NT5DC4: variants seen among roughly 807,000 people sequenced by gnomAD.
The protein encoded by NT5DC4 is 5'-nucleotidase domain-containing protein 4.
A neutral mutation model predicts 26.6 loss-of-function variants in NT5DC4; 44 were observed. The ratio of observed to expected loss-of-function variants is 1.65; its 90% CI spans 1.30 to 2.13. The LOEUF is 2.13. NT5DC4 is among the 30% of genes most tolerant of loss of function. The pLI, the probability that NT5DC4 is intolerant of heterozygous loss-of-function variation, is 0.00. For synonymous variants in NT5DC4, 157 were observed against 86.7 expected (o/e 1.81, Z -4.51); for missense variants, 399 against 228.1 (o/e 1.75, Z -4.83).
At chr2:112,727,137 T>A (rs1275098128) in intron 15 of NT5DC4, 1 of 212,704 alleles carries the variant, frequency 4.7e-6, no homozygotes, top group Non-Finnish European at 9.9e-6. Context: ...CCTTGTGGCA[T>A]TACTGACCGG....
chr2:112,742,638 T>C, downstream of NT5DC4: 2 of 1,057,062 alleles, frequency 1.9e-6, no homozygotes, highest in Non-Finnish European at 2.9e-6. Context: ...TTCTTTTTCC[T>C]ATATGTCCTG....
intron 16 of NT5DC4, among the ~76,000 whole-genome samples, chr2:112,735,810 T>A (rs1210417213): frequency 1.3e-5 from 2 of 152,218 alleles, no homozygotes; most frequent in African/African-American, 4.8e-5. Flanking sequence ...GACTCTATAG[T>A]CTGACGAGGC....
downstream of NT5DC4, chr2:112,740,953 A>G: frequency 6.2e-7 from 1 of 1,614,020 alleles, no homozygotes; most frequent in Non-Finnish European, 8.5e-7. Context: ...CTTCTTGGCC[A>G]GCTCTTCCAC....
At chr2:112,740,936 A>G, downstream of NT5DC4, 4 of 1,614,030 alleles carry the variant, frequency 2.5e-6, no homozygotes, top group Non-Finnish European at 3.4e-6. Flanking sequence ...GACTTCACAG[A>G]TTCCATCTTC....
At chr2:112,729,146 C>G (rs1678146427) in intron 15 of NT5DC4, among the ~76,000 whole-genome samples, 1 of 151,770 alleles carries the variant, frequency 6.6e-6, no homozygotes, top group African/African-American at 2.4e-5. Context: ...TTTTTTTGGC[C>G]AAGTCTAGCT....
chr2:112,724,189 C>T (rs1677366532), intron 10 of NT5DC4, 63 bp downstream of exon 10: 1 of 715,792 alleles, frequency 1.4e-6, no homozygotes, highest in Non-Finnish European at 2.6e-6. Context: ...GGGTGCCAGG[C>T]TGCACCACGA....
chr2:112,727,063 A>T, intron 15 of NT5DC4: 1 of 370,220 alleles, frequency 2.7e-6, no homozygotes, highest in Non-Finnish European at 5.2e-6. Flanking sequence ...CAGTTCTGAT[A>T]GGAAATGTGA....
At chr2:112,726,847 C>G in intron 15 of NT5DC4, 109 bp downstream of exon 15, 1 of 700,768 alleles carries the variant, frequency 1.4e-6, no homozygotes, top group Non-Finnish European at 2.7e-6. Context: ...GGCCCAGTTA[C>G]CCCATTCTCC....
At chr2:112,723,391 A>ACACACACACACACACACG (rs2104719417) in intron 7 of NT5DC4, 27 bp from the exon 8 acceptor site, 2 of 716,358 alleles carry the variant, frequency 2.8e-6, no homozygotes, top group East Asian at 5.4e-5. Flanking sequence ...ACACACACAC[A>ACACACACACACACACACG]CACAGGCACT....
In NT5DC4 at chr2:112,723,111, C is replaced by A. The variant is rs745507946; in HGVS notation, c.558C>A (p.Leu186=). The A allele has an allele frequency of 2.1e-5, 15 of 717,048 alleles. No individual in the cohort carries two copies. The highest frequency in any genetic ancestry group is 2.3e-4 in the Middle Eastern group (1 of 4,394). The allele number at this position is 717,048 out of a possible 1,614,324, so 44.4% of individuals were successfully genotyped here. A position where few individuals can be genotyped will look rare whatever the true frequency, so the allele number is the denominator to read the frequency against. The change falls in exon 7 of 17, where the codon CTC becomes CTA. Residue 186 remains leucine (L), a synonymous_variant. Transcript: ENST00000688554. ...NCDTGYQHGN[L]FMSFRSLFQD... ...ACACCGGCTATCAGCATGGGAACCT[C>A]TTCATGTCCTTCCGAAGCCTCTTCC...
chr2:112,741,047 AT>A, downstream of NT5DC4: 1 of 1,340,628 alleles, frequency 7.5e-7, no homozygotes, highest in South Asian at 1.2e-5. Context: ...AGATTTACCA[AT>A]TTAATACTTC....
At position 112,725,212 on chromosome 2, in the gene NT5DC4, C is replaced by G. The variant is rs1311643034; in HGVS notation, c.954C>G (p.Pro318=). 1 of 715,710 alleles carries G rather than the reference C, an allele frequency of 1.4e-6. No homozygotes were observed. The highest frequency in any genetic ancestry group is 1.7e-5 in the African/African-American group (1 of 57,224). 44.3% of individuals were successfully genotyped at this position (715,710 alleles called of 1,614,324 possible). The change falls in exon 12 of 17, where the codon CCC becomes CCG. Residue 318 remains proline (P), a synonymous_variant. Coordinates refer to ENST00000688554, the MANE Select transcript of NT5DC4 (RefSeq NM_001393655.1). ...GKLHVGTYTG[P]HQHCAVYSGG... ...TCCACGTGGGCACCTACACAGGGCC[C>G]CACCAGCACTGTGCTGTCTACTCTG...
intron 5 of NT5DC4, 37 bp from the exon 6 acceptor site, chr2:112,722,677 C>T: frequency 1.4e-6 from 1 of 717,520 alleles, no homozygotes; most frequent in Non-Finnish European, 2.6e-6. Flanking sequence ...CTGTCTGGCT[C>T]CCTGGGCTGA....
At chr2:112,725,034 G>GCCTTCAGCGCCCTCTGCTGCCT (rs1677511791) in intron 11 of NT5DC4, 128 bp downstream of exon 11, 1 of 650,110 alleles carries the variant, frequency 1.5e-6, no homozygotes, top group South Asian at 1.7e-5. Context: ...ACCCGAGGCC[G>GCCTTCAGCGCCCTCTGCTGCCT]CCTTCAGCGC....
Position 112,723,485 on chromosome 2 carries a change from C to T in NT5DC4, c.672+17C>T, listed in dbSNP as rs1319885607. ...AAGAAGGATGTGAGTGGCCACAGAC[C>T]CAGGGCCATGGCCATCACCCCCAAA... On this transcript the variant is annotated intron_variant, in intron 8 of 16. Coordinates refer to ENST00000688554, the MANE Select transcript of NT5DC4 (RefSeq NM_001393655.1). The T allele has an allele frequency of 1.4e-6, 1 of 716,738 alleles. No homozygotes were observed. Among genetic ancestry groups the T allele is most frequent in the Non-Finnish European group, 2.6e-6 (1 of 384,886 alleles). The allele number at this position is 716,738 out of a possible 1,614,324, so 44.4% of individuals were successfully genotyped here. A position where few individuals can be genotyped will look rare whatever the true frequency, so the allele number is the denominator to read the frequency against.
intron 16 of NT5DC4, among the ~76,000 whole-genome samples, chr2:112,730,362 T>C (rs1678339698): frequency 6.7e-6 from 1 of 149,934 alleles, no homozygotes; most frequent in African/African-American, 2.5e-5. Flanking sequence ...GGCGACAGGT[T>C]CTGCTCAGCA....
chr2:112,742,085 C>T (rs528185584), downstream of NT5DC4, among the ~76,000 whole-genome samples: 3 of 152,008 alleles, frequency 2.0e-5, no homozygotes, highest in Non-Finnish European at 4.4e-5. Context: ...CTACCGTATG[C>T]AGCCTAAATC....
rs573731639 is a variant in NT5DC4 at position 112,726,228 on chromosome 2, G to A, written c.1154-10G>A. On this transcript the variant is annotated splice_polypyrimidine_tract_variant and intron_variant, in intron 13 of 16. Coordinates refer to ENST00000688554, the MANE Select transcript of NT5DC4 (RefSeq NM_001393655.1). ...TCACTCACCCCCACTGACCCCTGGT[G>A]GCTTTTCAGAGCGGTTGGAGGAGCT... is the stretch of plus-strand genomic sequence containing the variant. 4.2e-6 allele frequency: 3 copies of A among 717,288 alleles called. No homozygotes were observed. The African/African-American group carries it at 5.2e-5, about 13-fold the overall frequency. 44.4% of individuals were successfully genotyped at this position (717,288 alleles called of 1,614,324 possible).
downstream of NT5DC4, among the ~76,000 whole-genome samples, chr2:112,739,631 G>C (rs1341626237): frequency 2.6e-5 from 4 of 152,152 alleles, no homozygotes; most frequent in Non-Finnish European, 5.9e-5. Flanking sequence ...AAATTTGGTT[G>C]AATTAATGAA....
Sources: allele counts gnomAD v4.1 joint callset (sites outside exome capture counted in the v4.1 genomes callset), GRCh38; gene constraint gnomAD v4.1.1; transcripts MANE v1.5; gene names NCBI Gene and HGNC (gene_info 2026-07-23, HGNC 2026-07-21).